The following CTNNA3 variants were observed in gnomAD, a reference collection of about 807,000 sequenced individuals.
The protein encoded by CTNNA3 is catenin alpha-3.
CTNNA3 carries 76 observed loss-of-function variants against 95.7 expected under a neutral mutation model. The ratio of observed to expected loss-of-function variants is 0.79; its 90% confidence interval spans 0.66 to 0.96. CTNNA3 has a LOEUF of 0.96. Among genes scored for constraint, CTNNA3 ranks in the 40% least tolerant of loss-of-function variants. The pLI is 0.00. For synonymous variants in CTNNA3, 431 were observed against 374.4 expected, an observed-to-expected ratio of 1.15 and a Z score of -1.74; for missense variants, 1,191 against 1,089.8, an observed-to-expected ratio of 1.09 and a Z score of -1.31.
In CTNNA3 at chr10:67,112,881, A is replaced by T. The variant is rs189074558; in HGVS notation, c.1047+67436T>A. On this transcript the variant is annotated intron_variant, in intron 7 of 17. Transcript: ENST00000433211. ...ATCACATTATGGAATATCATTTTTT[A>T]AAAAAAAACATGTGAGTAATGTACT... is the stretch of plus-strand genomic sequence containing the variant. 5.1e-3 allele frequency among the ~76,000 whole-genome samples: 713 copies of T among 138,736 alleles called. 2 individuals are homozygous for T. The highest frequency in any genetic ancestry group is 0.016 in the African/African-American group (523 of 32,432). The allele number at this position is 138,736 out of a possible 152,430, so 91.0% of individuals were successfully genotyped here.
chr10:67,582,186 C>T (rs572582088), intron 3 of CTNNA3, among the ~76,000 whole-genome samples: 6 of 139,078 alleles, frequency 4.3e-5, no homozygotes, highest in African/African-American at 8.0e-5. Context: ...TGCTTTCTCT[C>T]GTGGGCTTTT....
At chr10:66,143,807 A>G (rs1206871837) in intron 13 of CTNNA3, among the ~76,000 whole-genome samples, 1 of 152,148 alleles carries the variant, frequency 6.6e-6, no homozygotes, top group Admixed American at 6.5e-5. Context: ...AGACACTTTA[A>G]TGTGAATTTT....
intron 1 of CTNNA3, among the ~76,000 whole-genome samples, chr10:67,725,381 G>A (rs1036962580): frequency 1.3e-5 from 2 of 151,998 alleles, no homozygotes; most frequent in Non-Finnish European, 2.9e-5. Flanking sequence ...GGTTTCACAT[G>A]TTAGCCAGGA....
At chr10:66,759,376 G>T (rs1338341465) in intron 9 of CTNNA3, among the ~76,000 whole-genome samples, 1 of 152,102 alleles carries the variant, frequency 6.6e-6, no homozygotes, top group Non-Finnish European at 1.5e-5. Context: ...AGAACACCTA[G>T]CCAGGATTCA....
At chr10:67,194,303 G>A (rs10823000) in intron 6 of CTNNA3, among the ~76,000 whole-genome samples, 42,303 of 151,884 alleles carry the variant, frequency 0.28, 9,512 homozygotes, top group African/African-American at 0.63. Context: ...GCCAAAACTT[G>A]GACGCAACCA....
chr10:66,746,665 AT>A (rs1378870079), intron 9 of CTNNA3, among the ~76,000 whole-genome samples: 1 of 152,164 alleles, frequency 6.6e-6, no homozygotes, highest in East Asian at 1.9e-4. Flanking sequence ...ATAGGTAACT[AT>A]AAGTGGATAC....
intron 9 of CTNNA3, among the ~76,000 whole-genome samples, chr10:66,692,476 C>G (rs4745915): frequency 0.18 from 26,774 of 151,670 alleles, 2,941 homozygotes; most frequent in East Asian, 0.33. Context: ...AAGACCAAAT[C>G]TACATCTGAT....
At chr10:67,077,596 T>C (rs1856805263) in intron 7 of CTNNA3, among the ~76,000 whole-genome samples, 1 of 152,174 alleles carries the variant, frequency 6.6e-6, no homozygotes, top group South Asian at 2.1e-4. Context: ...TGTGAAACTT[T>C]CTTAGGAAAA....
intron 2 of CTNNA3, among the ~76,000 whole-genome samples, chr10:67,621,397 G>A (rs7901697): frequency 0.13 from 20,143 of 152,034 alleles, 2,400 homozygotes; most frequent in African/African-American, 0.32. Context: ...TTGTGTGTGA[G>A]ATAATGCCCA....
At chr10:67,631,776 G>A (rs1209113251) in intron 2 of CTNNA3, among the ~76,000 whole-genome samples, 1 of 150,664 alleles carries the variant, frequency 6.6e-6, no homozygotes, top group African/African-American at 2.5e-5. Context: ...TTATGCAATC[G>A]AATACTATTC....
intron 14 of CTNNA3, among the ~76,000 whole-genome samples, chr10:66,081,455 T>A (rs2080758843): frequency 6.6e-6 from 1 of 151,196 alleles, no homozygotes; most frequent in Non-Finnish European, 1.5e-5. Context: ...GTAATAATAA[T>A]CATGAAATAG....
At position 66,037,114 on chromosome 10, in the gene CTNNA3, C is replaced by T. The variant is rs182725495; in HGVS notation, c.2159+32194G>A. Among the ~76,000 whole-genome samples, 483 of 152,006 alleles carry T rather than the reference C, an allele frequency of 3.2e-3. 2 individuals carry two copies. Among genetic ancestry groups the T allele is most frequent in the African/African-American group, 0.011 (460 of 41,482 alleles). On this transcript the variant is annotated intron_variant, in intron 15 of 17. Transcript: ENST00000433211. ...GTCTTGATCTCCTGACCTCGTGATC[C>T]GCCCATCTCGGCCTCCCAAAGTGCT...
intron 5 of CTNNA3, among the ~76,000 whole-genome samples, chr10:67,446,065 C>T (rs918769575): frequency 1.1e-4 from 16 of 152,252 alleles, no homozygotes; most frequent in East Asian, 3.9e-4. Context: ...ATTCAACAAA[C>T]GCGAGATACA....
At chr10:65,990,689 A>G (rs1347252220) in intron 15 of CTNNA3, among the ~76,000 whole-genome samples, 1 of 151,336 alleles carries the variant, frequency 6.6e-6, no homozygotes, top group Admixed American at 6.6e-5. Flanking sequence ...AAATAATTTA[A>G]ATATTAAATA....
chr10:66,919,110 G>C (rs1028038244), intron 7 of CTNNA3, among the ~76,000 whole-genome samples: 2 of 146,710 alleles, frequency 1.4e-5, no homozygotes, highest in African/African-American at 2.5e-5. Context: ...ACTCCAGCCT[G>C]GGTGACAGAG....
chr10:67,219,991 A>G (rs1361238748), intron 5 of CTNNA3, 121 bp from the exon 6 acceptor site: 2 of 748,928 alleles, frequency 2.7e-6, no homozygotes, highest in Admixed American at 2.9e-5. Context: ...GAAGTCAGCT[A>G]TAAGTTATAA....
At chr10:67,750,162 C>T in intron 1 of CTNNA3, 4 of 993,518 alleles carry the variant, frequency 4.0e-6, no homozygotes, top group Middle Eastern at 6.4e-4. Context: ...ACAGTTACCA[C>T]GAAGGTCCGT....
chr10:66,852,659 G>A (rs888285177), intron 7 of CTNNA3, among the ~76,000 whole-genome samples: 1 of 152,062 alleles, frequency 6.6e-6, no homozygotes, highest in Non-Finnish European at 1.5e-5. Context: ...AGAATATACT[G>A]TGGCATATTT....
At chr10:67,530,975 T>C (rs1840307255) in intron 4 of CTNNA3, among the ~76,000 whole-genome samples, 1 of 152,234 alleles carries the variant, frequency 6.6e-6, no homozygotes, top group African/African-American at 2.4e-5. Flanking sequence ...CCTTGCCACC[T>C]TCCATGTGGT....
Sources: allele counts gnomAD v4.1 joint callset (sites outside exome capture counted in the v4.1 genomes callset), GRCh38; gene constraint gnomAD v4.1.1; transcripts MANE v1.5; gene names NCBI Gene and HGNC (gene_info 2026-07-23, HGNC 2026-07-21).